Variants in NCAM2 observed in about 807,000 individuals in gnomAD.
NCAM2 encodes the protein neural cell adhesion molecule 2, also known as N-CAM-2.
A neutral mutation model predicts 98.1 loss-of-function variants in NCAM2; 30 were observed. The observed-to-expected ratio is 0.31, with a 90% CI of 0.23 to 0.41. NCAM2 has a LOEUF of 0.41. NCAM2 is among the 10% of genes least tolerant of loss of function. NCAM2 has a pLI of 1.00. For synonymous variants in NCAM2, 368 were observed against 342.4 expected, an observed-to-expected ratio of 1.07 and a Z score of -0.83; for missense variants, 867 against 1,005.8, an observed-to-expected ratio of 0.86 and a Z score of 1.87.
chr21:21,102,061 A>G (rs2066253241), intron 1 of NCAM2, among the ~76,000 whole-genome samples: 1 of 152,040 alleles, frequency 6.6e-6, no homozygotes, highest in South Asian at 2.1e-4. Context: ...AGCACTAGTT[A>G]AAGTGAAGGT....
chr21:21,534,425 A>G, intron 16 of NCAM2, 112 bp from the exon 17 acceptor site: 2 of 885,138 alleles, frequency 2.3e-6, no homozygotes, highest in South Asian at 6.8e-5. Flanking sequence ...AAATTAACCA[A>G]GTTGGATTTA....
intron 1 of NCAM2, among the ~76,000 whole-genome samples, chr21:21,194,071 G>A (rs755373598): frequency 3.3e-5 from 5 of 151,984 alleles, no homozygotes; most frequent in South Asian, 2.1e-4. Context: ...ATGATGACAC[G>A]TACAACCTAC....
At chr21:21,088,149 A>G (rs2065940054) in intron 1 of NCAM2, among the ~76,000 whole-genome samples, 1 of 152,230 alleles carries the variant, frequency 6.6e-6, no homozygotes, top group African/African-American at 2.4e-5. Flanking sequence ...TAGCTTTCAA[A>G]CAGTTAAATA....
At chr21:21,495,559 G>C (rs149463413) in intron 15 of NCAM2, among the ~76,000 whole-genome samples, 1 of 151,984 alleles carries the variant, frequency 6.6e-6, no homozygotes, top group Non-Finnish European at 1.5e-5. Context: ...TTTTGGTGCT[G>C]TTTGTCAATT....
intron 1 of NCAM2, among the ~76,000 whole-genome samples, chr21:21,155,035 G>GA (rs1469183212): frequency 1.6e-4 from 25 of 151,524 alleles, no homozygotes; most frequent in African/African-American, 5.8e-4. Flanking sequence ...CATATTGAGA[G>GA]GAAAAAACAG....
chr21:21,537,526 T>A (rs1990045175), intron 17 of NCAM2, among the ~76,000 whole-genome samples: 1 of 152,204 alleles, frequency 6.6e-6, no homozygotes, highest in African/African-American at 2.4e-5. Flanking sequence ...AGCCACCCTA[T>A]AGTGAGCAAT....
chr21:21,425,357 A>T (rs954545562), intron 11 of NCAM2, among the ~76,000 whole-genome samples: 2 of 151,930 alleles, frequency 1.3e-5, no homozygotes, highest in Non-Finnish European at 2.9e-5. Flanking sequence ...ACTCTTCAAA[A>T]TTTTTTTCTG....
chr21:21,430,855 G>A (rs184147052), intron 11 of NCAM2, among the ~76,000 whole-genome samples: 2 of 151,912 alleles, frequency 1.3e-5, no homozygotes, highest in East Asian at 3.9e-4. Flanking sequence ...AGACCATCCT[G>A]GCCAACATGG....
chr21:21,058,552 G>T (rs1341849274), intron 1 of NCAM2, among the ~76,000 whole-genome samples: 1 of 151,986 alleles, frequency 6.6e-6, no homozygotes, highest in East Asian at 1.9e-4. Flanking sequence ...GAAATATGTT[G>T]CCTCAAGTAT....
At chr21:21,496,467 A>G (rs967825758) in intron 15 of NCAM2, among the ~76,000 whole-genome samples, 6 of 151,836 alleles carry the variant, frequency 4.0e-5, no homozygotes, top group Non-Finnish European at 7.4e-5. Flanking sequence ...GAGATTATTC[A>G]TTTATTGCTG....
At chr21:21,223,986 A>C (rs973883877) in intron 1 of NCAM2, among the ~76,000 whole-genome samples, 1 of 152,176 alleles carries the variant, frequency 6.6e-6, no homozygotes, top group Non-Finnish European at 1.5e-5. Flanking sequence ...AACACAGTGC[A>C]TGGCAAGGTG....
chr21:21,184,525 T>C (rs1315598237), intron 1 of NCAM2, among the ~76,000 whole-genome samples: 1 of 152,070 alleles, frequency 6.6e-6, no homozygotes, highest in Admixed American at 6.6e-5. Flanking sequence ...ATTTAATTGG[T>C]ACAGGATGCA....
chr21:21,365,317 C>G (rs147894264), intron 8 of NCAM2, among the ~76,000 whole-genome samples: 1 of 151,398 alleles, frequency 6.6e-6, no homozygotes, highest in Non-Finnish European at 1.5e-5. Flanking sequence ...AATGCTAGAA[C>G]TGTTGCTTTG....
At chr21:21,524,070 A>G (rs1989183677) in intron 16 of NCAM2, among the ~76,000 whole-genome samples, 1 of 151,866 alleles carries the variant, frequency 6.6e-6, no homozygotes, top group African/African-American at 2.4e-5. Context: ...AATAAGAATA[A>G]TGACACGTGA....
At chr21:21,314,767 T>C (rs1433190640) in intron 5 of NCAM2, among the ~76,000 whole-genome samples, 4 of 152,076 alleles carry the variant, frequency 2.6e-5, no homozygotes, top group Non-Finnish European at 5.9e-5. Context: ...ATTTTGTTGT[T>C]GTTGTTGTTG....
intron 13 of NCAM2, among the ~76,000 whole-genome samples, chr21:21,468,109 C>G (rs573675589): frequency 1.1e-3 from 161 of 151,862 alleles, no homozygotes; most frequent in African/African-American, 3.7e-3. Context: ...ATGAATGAAC[C>G]TAGAAGAAAA....
intron 16 of NCAM2, among the ~76,000 whole-genome samples, chr21:21,533,781 T>C (rs1294112485): frequency 6.6e-6 from 1 of 151,908 alleles, no homozygotes; most frequent in East Asian, 1.9e-4. Context: ...TGTTGTTCAG[T>C]TGTGAGGCAT....
intron 1 of NCAM2, among the ~76,000 whole-genome samples, chr21:21,162,663 G>T (rs2067821191): frequency 6.6e-6 from 1 of 152,066 alleles, no homozygotes; most frequent in African/African-American, 2.4e-5. Context: ...CCAGTCTTAT[G>T]TTTGACATAT....
At chr21:21,507,207 T>A (rs926736569) in intron 15 of NCAM2, among the ~76,000 whole-genome samples, 9 of 152,220 alleles carry the variant, frequency 5.9e-5, no homozygotes, top group Non-Finnish European at 1.3e-4. Flanking sequence ...TGCTAGTGCT[T>A]GCTTTTGTAT....
Sources: allele counts gnomAD v4.1 joint callset (sites outside exome capture counted in the v4.1 genomes callset), GRCh38; gene constraint gnomAD v4.1.1; transcripts MANE v1.5; gene names NCBI Gene and HGNC (gene_info 2026-07-23, HGNC 2026-07-21).